The following RELT variants were observed in gnomAD, a reference collection of about 807,000 sequenced individuals.
The protein encoded by RELT is RELT TNF receptor.
RELT carries 37 observed loss-of-function variants against 51.1 expected under a neutral mutation model. That is an observed-to-expected ratio of 0.72 (90% CI 0.56 to 0.95). The LOEUF (loss-of-function observed/expected upper bound fraction) is 0.95. RELT is among the 40% of genes least tolerant of loss of function. The probability of loss-of-function intolerance (pLI) is 0.00; values close to 1 mark genes in which losing one functional copy is unlikely to be tolerated. For synonymous variants in RELT, 241 were observed against 235.7 expected, an observed-to-expected ratio of 1.02 and a Z score of -0.21; for missense variants, 535 against 572.6, an observed-to-expected ratio of 0.93 and a Z score of 0.67.
chr11:73,386,244 C>G lies in RELT; in HGVS notation c.-25-2868C>G, dbSNP rs80088706. Among the ~76,000 whole-genome samples the G allele has an allele frequency of 9.7e-4, 148 of 152,280 alleles. 3 individuals carry two copies. The East Asian group carries it at 0.025, about 26-fold the overall frequency. Reference sequence around the variant, plus strand: ...CTACCCCCCTGGGGCCCCTCCTCCCCATCCAGTGTGGCTGGGTGTGGCTCT... The same window carrying G: ...CTACCCCCCTGGGGCCCCTCCTCCCGATCCAGTGTGGCTGGGTGTGGCTCT... On this transcript the variant is annotated intron_variant, in intron 1 of 10. Transcript: ENST00000064780.
Position 73,395,288 on chromosome 11 carries a change from G to A in RELT, c.1245+3G>A, listed in dbSNP as rs772741300. 1.2e-6 allele frequency: 2 copies of A among 1,612,296 alleles called. No homozygotes were observed. The highest frequency in any genetic ancestry group is 1.7e-6 in the Non-Finnish European group (2 of 1,179,630). On this transcript the variant is annotated splice_donor_region_variant and intron_variant, in intron 10 of 10. Coordinates refer to ENST00000064780, the MANE Select transcript of RELT (RefSeq NM_152222.2). Reference sequence around the variant, plus strand: ...CCCCAGCAGAGAACAAGGCCGAGGTGAGAGTCAAGGAGAAAGGCATCTGTT... The same window carrying A: ...CCCCAGCAGAGAACAAGGCCGAGGTAAGAGTCAAGGAGAAAGGCATCTGTT...
chr11:73,377,642 CTGTATTCTCAGCGGACCCGGACACAATCT>C (rs1167782256), intron 1 of RELT, among the ~76,000 whole-genome samples: 2 of 151,964 alleles, frequency 1.3e-5, no homozygotes, highest in African/African-American at 4.8e-5. Flanking sequence ...CCTGTGTAAT[CTGTATTCTCAGCGGACCCGGACACAATCT>C]TGTTCTCAGA....
At position 73,391,213 on chromosome 11, in the gene RELT, T is replaced by C. The variant is rs1267718444; in HGVS notation, c.357T>C (p.His119=). ...GTTCCTGGGCACCTCTGGGTACTCA[T>C]GGCTGTGATGGTGAGTGGCAGACTG... ...QPCSWAPLGT[H]GCDEWGRRAR... The change falls in exon 5 of 11, where the codon CAT becomes CAC. Residue 119 remains histidine, a synonymous_variant. Transcript: ENST00000064780. 6.2e-7 allele frequency: 1 copy of C among 1,613,764 alleles called. No homozygotes were observed.
At chr11:73,390,520 C>T (rs750917225) in intron 2 of RELT, 31 bp from the exon 3 acceptor site, 2 of 1,603,246 alleles carry the variant, frequency 1.2e-6, no homozygotes, top group African/African-American at 1.3e-5. Context: ...CCAGCACTTT[C>T]TGCCTCTTTC....
chr11:73,385,356 C>T (rs1235866041), intron 1 of RELT, among the ~76,000 whole-genome samples: 10 of 152,194 alleles, frequency 6.6e-5, no homozygotes. Flanking sequence ...CTCCCTGGGG[C>T]TCCACCATCT....
chr11:73,390,885 C>T lies in RELT; in HGVS notation c.251C>T (p.Ala84Val). ...WRRLEAQVGM[A>V]TRDTLCGDCW... ...AGGCTGGAGGCCCAGGTGGGCATGG[C>T]AACTCGAGATACACTCTGTGGAGAC... is the stretch of plus-strand genomic sequence containing the variant. The change falls in exon 4 of 11, where the codon GCA becomes GTA. Residue 84 changes from alanine to valine, a missense_variant. Physicochemically the swap from Ala to Val is moderately conservative, Grantham distance 64. Coordinates refer to ENST00000064780, the MANE Select transcript of RELT (RefSeq NM_152222.2). 1 of 1,613,392 alleles carries T rather than the reference C, an allele frequency of 6.2e-7. No individual in the cohort carries two copies. Among genetic ancestry groups the T allele is most frequent in the Non-Finnish European group, 8.5e-7 (1 of 1,179,866 alleles).
At chr11:73,377,589 C>T (rs1208291875) in intron 1 of RELT, among the ~76,000 whole-genome samples, 2 of 151,848 alleles carry the variant, frequency 1.3e-5, no homozygotes, top group Non-Finnish European at 2.9e-5. Flanking sequence ...CCTGCATCCA[C>T]ACACTCACGC....
chr11:73,377,902 G>A (rs1321285389), intron 1 of RELT, among the ~76,000 whole-genome samples: 1 of 152,162 alleles, frequency 6.6e-6, no homozygotes, highest in Non-Finnish European at 1.5e-5. Flanking sequence ...AGGGGCTACT[G>A]ATAGGGTTGG....
rs770901817 is a variant in RELT, at chr11:73,390,820, C to T, written c.186C>T (p.Ser62=). 2.5e-6 allele frequency: 4 copies of T among 1,611,916 alleles called. No individual in the cohort carries two copies. The East Asian group carries it at 6.7e-5, about 27-fold the overall frequency. ...GCACCTTCTCAGCTGCATGGGGCTC[C>T]AGCCCATGCCAGCCCCATGCCCGTT... ...PPGTFSAAWG[S]SPCQPHARCS... The change falls in exon 4 of 11, where the codon TCC becomes TCT. Residue 62 remains serine, a synonymous_variant. Coordinates refer to ENST00000064780, the MANE Select transcript of RELT (RefSeq NM_152222.2).
At chr11:73,392,534 G>A in intron 6 of RELT, 66 bp downstream of exon 6, 1 of 1,557,446 alleles carries the variant, frequency 6.4e-7, no homozygotes, top group Non-Finnish European at 8.7e-7. Context: ...CTCCACTTGG[G>A]GGCTGCCAGC....
chr11:73,393,353 C>G, intron 6 of RELT: 1 of 1,129,010 alleles, frequency 8.9e-7, no homozygotes, highest in Non-Finnish European at 1.1e-6. Context: ...GGCTGATCAT[C>G]GTGGCCCATT....
At position 73,376,449 on chromosome 11, in the gene RELT, C is replaced by T. The variant is rs992281724; in HGVS notation, c.-76C>T. 17 of 151,958 alleles carry T rather than the reference C, an allele frequency of 1.1e-4. No homozygotes were observed. The highest frequency in any genetic ancestry group is 1.9e-4 in the Non-Finnish European group (13 of 67,970). The allele number at this position is 151,958 out of a possible 1,614,324, so 9.4% of individuals were successfully genotyped here. A position where few individuals can be genotyped will look rare whatever the true frequency, so the allele number is the denominator to read the frequency against. On this transcript the variant is annotated 5_prime_UTR_variant, in exon 1 of 11. Transcript: ENST00000064780. ...TCCGGGCGCTCGCCGAGCCGGGCCG[C>T]GGCGCCGAGTCGAACGGGGAGCCGA...
chr11:73,393,589 G>C (rs759947692), intron 6 of RELT: 1 of 1,458,034 alleles, frequency 6.9e-7, no homozygotes, highest in Non-Finnish European at 9.1e-7. Flanking sequence ...TGGAGTTCAC[G>C]TGGCCCTGAA....
At chr11:73,391,278 G>A in intron 5 of RELT, 55 bp downstream of exon 5, 8 of 1,499,778 alleles carry the variant, frequency 5.3e-6, no homozygotes, top group Non-Finnish European at 7.4e-6. Flanking sequence ...GGAGGGGCCA[G>A]TGAGTTGGAG....
chr11:73,378,354 G>A (rs1866001721), intron 1 of RELT, among the ~76,000 whole-genome samples: 1 of 152,114 alleles, frequency 6.6e-6, no homozygotes, highest in Admixed American at 6.5e-5. Flanking sequence ...ACAGGGTGGG[G>A]GACAGTGTCA....
In RELT at chr11:73,392,230, A is replaced by G; in HGVS notation, c.387A>G (p.Arg129=). 1 of 1,611,464 alleles carries G rather than the reference A, an allele frequency of 6.2e-7. No individual in the cohort carries two copies. The change falls in exon 6 of 11, where the codon CGA becomes CGG. Residue 129 remains arginine (R), a synonymous_variant. Coordinates refer to ENST00000064780, the MANE Select transcript of RELT (RefSeq NM_152222.2). ...HGCDEWGRRA[R]RGVEVAAGAS... Reference sequence around the variant, plus strand: ...GCTCAGAGTGGGGGCGGCGGGCCCGACGTGGCGTGGAGGTGGCAGCAGGGG... The same window carrying G: ...GCTCAGAGTGGGGGCGGCGGGCCCGGCGTGGCGTGGAGGTGGCAGCAGGGG...
At chr11:73,392,764 G>A in intron 6 of RELT, 2 of 1,341,554 alleles carry the variant, frequency 1.5e-6, no homozygotes, top group South Asian at 1.6e-5. Context: ...TTGTGTGTAT[G>A]GTTCCAGGGT....
intron 5 of RELT, among the ~76,000 whole-genome samples, chr11:73,391,564 G>A (rs938920587): frequency 1.3e-5 from 2 of 152,170 alleles, no homozygotes; most frequent in African/African-American, 2.4e-5. Context: ...TCAGCACTTT[G>A]GGAGGCCAAG....
rs762298750 is a variant in RELT, at chr11:73,390,696, GCCC to G, written c.121-56_121-54del. 5 of 1,609,048 alleles carry G rather than the reference GCCC, an allele frequency of 3.1e-6. No individual in the cohort carries two copies. The East Asian group carries it at 6.7e-5, about 22-fold the overall frequency. ...GGCCAGGGGCAGAGTCCTGTGCCTG[GCCC>G]CCAAGGGTCCTCAGGCTTGGCTCCT... On this transcript the variant is annotated intron_variant, in intron 3 of 10. Coordinates refer to ENST00000064780, the MANE Select transcript of RELT (RefSeq NM_152222.2).
Sources: allele counts gnomAD v4.1 joint callset (sites outside exome capture counted in the v4.1 genomes callset), GRCh38; gene constraint gnomAD v4.1.1; transcripts MANE v1.5; gene names NCBI Gene and HGNC (gene_info 2026-07-23, HGNC 2026-07-21).